PCDHA1: variants seen among roughly 807,000 people sequenced by gnomAD.
The protein encoded by PCDHA1 is protocadherin alpha 1.
In PCDHA1, 42 loss-of-function variants were observed where a neutral mutation model predicts 61.3. The observed-to-expected ratio is 0.69, with a 90% CI of 0.54 to 0.89. The LOEUF is 0.89. Among genes scored for constraint, PCDHA1 ranks in the 40% least tolerant of loss-of-function variants. PCDHA1 has a pLI of 0.00. For missense variants in PCDHA1, 1,256 were observed against 1,235.3 expected (o/e 1.02, Z -0.25); for synonymous variants, 610 against 553.8 (o/e 1.10, Z -1.43).
At chr5:140,985,582 C>T (rs2097158950) in intron 3 of PCDHA1, among the ~76,000 whole-genome samples, 1 of 152,116 alleles carries the variant, frequency 6.6e-6, no homozygotes, top group Admixed American at 6.5e-5. Context: ...CCTAAGCCTC[C>T]TTATACTTGC....
At chr5:140,802,648 C>T in intron 1 of PCDHA1, 1 of 1,613,666 alleles carries the variant, frequency 6.2e-7, no homozygotes, top group African/African-American at 1.3e-5. Flanking sequence ...GACGCGGACG[C>T]GCAGGAGAAC....
At chr5:140,857,793 G>T (rs782663646) in intron 1 of PCDHA1, 3 of 1,597,706 alleles carry the variant, frequency 1.9e-6, no homozygotes, top group Non-Finnish European at 2.6e-6. Flanking sequence ...CTGGTGCTGC[G>T]GTCGGTGGTT....
intron 1 of PCDHA1, among the ~76,000 whole-genome samples, chr5:140,832,809 G>A (rs1166207939): frequency 6.6e-6 from 1 of 152,088 alleles, no homozygotes; most frequent in African/African-American, 2.4e-5. Flanking sequence ...ATTGGAATTG[G>A]AAAAAAATCT....
chr5:140,824,547 G>T (rs1233636687), intron 1 of PCDHA1: 1 of 183,508 alleles, frequency 5.4e-6, no homozygotes, highest in South Asian at 1.5e-4. Context: ...AAACTCCTGG[G>T]CTCAAGTGAT....
intron 3 of PCDHA1, among the ~76,000 whole-genome samples, chr5:141,004,049 A>T (rs1372116883): frequency 6.6e-6 from 1 of 152,208 alleles, no homozygotes; most frequent in African/African-American, 2.4e-5. Flanking sequence ...TCATTTGCTG[A>T]TACTGGCCCC....
chr5:140,916,051 G>A (rs2153537424), intron 1 of PCDHA1, among the ~76,000 whole-genome samples: 1 of 152,240 alleles, frequency 6.6e-6, no homozygotes, highest in African/African-American at 2.4e-5. Context: ...ACAGGCAGAG[G>A]TGCCTCTCCC....
intron 1 of PCDHA1, chr5:140,841,301 G>A (rs2150312964): frequency 2.0e-6 from 3 of 1,536,446 alleles, no homozygotes; most frequent in Admixed American, 3.9e-5. Flanking sequence ...AATATTTTCT[G>A]ATAGGAAACG....
At chr5:140,867,346 ATGAT>A (rs1302874220) in intron 1 of PCDHA1, 5 of 152,256 alleles carry the variant, frequency 3.3e-5, no homozygotes, top group East Asian at 1.9e-4. Context: ...AGAGGCTACT[ATGAT>A]TGATTATTTT....
chr5:140,870,427 G>A, intron 1 of PCDHA1: 1 of 1,614,220 alleles, frequency 6.2e-7, no homozygotes, highest in Non-Finnish European at 8.5e-7. Flanking sequence ...CAGGGTATCC[G>A]TGGAGGTGGC....
chr5:140,821,624 A>T, intron 1 of PCDHA1: 3 of 893,544 alleles, frequency 3.4e-6, no homozygotes, highest in Non-Finnish European at 5.0e-6. Flanking sequence ...GATTTTCCTT[A>T]GACAGAAAGG....
At position 140,993,463 on chromosome 5, in the gene PCDHA1, CA is replaced by C. The variant is rs1563591979; in HGVS notation, c.2542+10901del. ...ATTCCTGTTCTCCTTCTTTCTTTCTCACACACACACACACACACACACACAC... is the reference window on the plus strand; with the variant it reads ...ATTCCTGTTCTCCTTCTTTCTTTCTCCACACACACACACACACACACACAC... On this transcript the variant is annotated intron_variant, in intron 3 of 3. Coordinates refer to ENST00000504120, the MANE Select transcript of PCDHA1 (RefSeq NM_018900.4). Among the ~76,000 whole-genome samples the C allele has an allele frequency of 9.6e-3, 73 of 7,582 alleles. 1 individual carries two copies. The highest frequency in any genetic ancestry group is 0.047 in the African/African-American group (71 of 1,514). 5.0% of individuals were successfully genotyped at this position (7,582 alleles called of 152,430 possible).
chr5:140,832,831 C>T (rs2150204521), intron 1 of PCDHA1, among the ~76,000 whole-genome samples: 27 of 152,028 alleles, frequency 1.8e-4, no homozygotes, highest in Non-Finnish European at 3.5e-4. Context: ...TGCCTTTTTC[C>T]CTTGTTGAAG....
intron 1 of PCDHA1, among the ~76,000 whole-genome samples, chr5:140,973,039 C>T (rs782146596): frequency 1.3e-5 from 2 of 152,040 alleles, no homozygotes; most frequent in Non-Finnish European, 2.9e-5. Flanking sequence ...ACTTTGAGTA[C>T]TCTAGTAGAT....
intron 1 of PCDHA1, among the ~76,000 whole-genome samples, chr5:140,955,465 T>C (rs2095187437): frequency 6.6e-6 from 1 of 152,128 alleles, no homozygotes; most frequent in Non-Finnish European, 1.5e-5. Flanking sequence ...TTTTCCTTTT[T>C]GCTTGGCACC....
intron 1 of PCDHA1, among the ~76,000 whole-genome samples, chr5:140,952,596 GTT>G (rs1246642070): frequency 6.6e-6 from 1 of 152,136 alleles, no homozygotes; most frequent in Non-Finnish European, 1.5e-5. Flanking sequence ...TCTCTAGGAA[GTT>G]CTAAGCTCTC....
At chr5:140,876,493 C>G in intron 1 of PCDHA1, 1 of 1,614,008 alleles carries the variant, frequency 6.2e-7, no homozygotes, top group South Asian at 1.1e-5. Flanking sequence ...GGTGGAAGTT[C>G]TGGACGTGAA....
At chr5:140,939,089 A>C (rs1048123737) in intron 1 of PCDHA1, among the ~76,000 whole-genome samples, 11 of 152,204 alleles carry the variant, frequency 7.2e-5, no homozygotes, top group Non-Finnish European at 1.2e-4. Context: ...TGGGTGGCTT[A>C]AAAACAATAG....
intron 1 of PCDHA1, among the ~76,000 whole-genome samples, chr5:140,890,015 T>C (rs553399283): frequency 2.8e-4 from 43 of 152,210 alleles, no homozygotes; most frequent in African/African-American, 1.0e-3. Flanking sequence ...GCCAGAAAAA[T>C]GTAGAAGGCT....
intron 1 of PCDHA1, chr5:140,836,937 G>T: frequency 2.1e-6 from 1 of 469,842 alleles, no homozygotes; most frequent in Non-Finnish European, 3.6e-6. Context: ...TAATACTATA[G>T]ATCAAAATCT....
Sources: gnomAD v4.1 joint callset for allele counts (sites outside exome capture counted in the v4.1 genomes callset) on GRCh38, gnomAD v4.1.1 for gene constraint, MANE v1.5 for transcripts, NCBI Gene and HGNC (gene_info 2026-07-23, HGNC 2026-07-21) for gene names.